HEMK2: variants seen among roughly 807,000 people sequenced by gnomAD.
HEMK2 encodes the protein HemK methyltransferase 2, ETF1 glutamine and histone H4 lysine.
chr21:28,576,854 G>A, the HEMK2 span, among the ~76,000 whole-genome samples: 1 of 152,110 alleles, frequency 6.6e-6, no homozygotes, highest in Non-Finnish European at 1.5e-5. Flanking sequence ...GGGATGGGAG[G>A]CGCCTGCCAC....
At chr21:28,731,949 A>G in the HEMK2 span, among the ~76,000 whole-genome samples, 3 of 152,204 alleles carry the variant, frequency 2.0e-5, no homozygotes, top group Admixed American at 2.0e-4. Flanking sequence ...AGGTGGTGAC[A>G]TGCAAGGCAA....
chr21:28,703,358 G>T, the HEMK2 span, among the ~76,000 whole-genome samples: 3 of 151,996 alleles, frequency 2.0e-5, no homozygotes, highest in Non-Finnish European at 4.4e-5. Context: ...TTCCCTGTAG[G>T]ATCGCTGGCT....
the HEMK2 span, among the ~76,000 whole-genome samples, chr21:28,679,481 G>T: frequency 6.6e-6 from 1 of 152,118 alleles, no homozygotes; most frequent in Admixed American, 6.5e-5. Context: ...GTCAACATTA[G>T]ACAGATCAAC....
the HEMK2 span, among the ~76,000 whole-genome samples, chr21:28,736,393 A>T: frequency 6.6e-6 from 1 of 152,216 alleles, no homozygotes; most frequent in Admixed American, 6.5e-5. Context: ...GGATACTTTC[A>T]CAGTTCTCTT....
the HEMK2 span, among the ~76,000 whole-genome samples, chr21:28,589,314 T>TA: frequency 5.3e-5 from 8 of 152,186 alleles, no homozygotes; most frequent in Non-Finnish European, 1.0e-4. Context: ...TGCAGTTTTT[T>TA]AAAAAAACCA....
chr21:28,720,807 C>T, the HEMK2 span, among the ~76,000 whole-genome samples: 3 of 152,016 alleles, frequency 2.0e-5, no homozygotes, highest in Non-Finnish European at 2.9e-5. Flanking sequence ...AAGTGTCATG[C>T]GAAATAGGAG....
the HEMK2 span, among the ~76,000 whole-genome samples, chr21:28,743,485 T>C: frequency 2.1e-4 from 32 of 152,238 alleles, no homozygotes; most frequent in Admixed American, 1.4e-3. Flanking sequence ...ATAAAGCACT[T>C]GCTTCTATTG....
At chr21:28,618,166 T>G in the HEMK2 span, among the ~76,000 whole-genome samples, 1 of 152,170 alleles carries the variant, frequency 6.6e-6, no homozygotes, top group Non-Finnish European at 1.5e-5. Context: ...AATTTAAAAT[T>G]AATAATATGA....
the HEMK2 span, among the ~76,000 whole-genome samples, chr21:28,575,723 A>G: frequency 6.6e-6 from 1 of 152,218 alleles, no homozygotes; most frequent in African/African-American, 2.4e-5. Flanking sequence ...CAATGAAGAC[A>G]CAGACATTTC....
chr21:28,860,458 T>A, the HEMK2 span, among the ~76,000 whole-genome samples: 93 of 148,404 alleles, frequency 6.3e-4, no homozygotes, highest in East Asian at 0.017. Context: ...ATATACAAAA[T>A]ATATATATAT....
chr21:28,791,897 G>A, the HEMK2 span, among the ~76,000 whole-genome samples: 1 of 151,966 alleles, frequency 6.6e-6, no homozygotes, highest in Admixed American at 6.6e-5. Flanking sequence ...GTTATCACAA[G>A]ATACAGGTCA....
the HEMK2 span, among the ~76,000 whole-genome samples, chr21:28,869,344 T>C: frequency 6.6e-6 from 1 of 150,978 alleles, no homozygotes; most frequent in Non-Finnish European, 1.5e-5. Flanking sequence ...ATCTGTTTTA[T>C]ATATACTGCT....
the HEMK2 span, among the ~76,000 whole-genome samples, chr21:28,780,252 ACTGCAAC>A: frequency 6.6e-6 from 1 of 151,946 alleles, no homozygotes; most frequent in African/African-American, 2.4e-5. Context: ...ATCTCAGCTC[ACTGCAAC>A]CTCTGCCTCC....
At chr21:28,862,009 C>A in the HEMK2 span, among the ~76,000 whole-genome samples, 1 of 152,182 alleles carries the variant, frequency 6.6e-6, no homozygotes, top group Admixed American at 6.5e-5. Flanking sequence ...CACCTGGACA[C>A]TTTGGGCTCC....
At chr21:28,827,845 A>T in the HEMK2 span, among the ~76,000 whole-genome samples, 4 of 152,184 alleles carry the variant, frequency 2.6e-5, no homozygotes, top group Non-Finnish European at 5.9e-5. Flanking sequence ...ATTTGCAACC[A>T]TTTTATTTGA....
chr21:28,808,570 C>A, the HEMK2 span, among the ~76,000 whole-genome samples: 11 of 151,954 alleles, frequency 7.2e-5, no homozygotes, highest in African/African-American at 2.7e-4. Flanking sequence ...CTTGGCATTG[C>A]TTTGTGGTTT....
At chr21:28,718,238 ATCT>A in the HEMK2 span, among the ~76,000 whole-genome samples, 1 of 152,120 alleles carries the variant, frequency 6.6e-6, no homozygotes. Context: ...GTTTTGAGAG[ATCT>A]TCTTGGCATT....
the HEMK2 span, among the ~76,000 whole-genome samples, chr21:28,809,118 G>C: frequency 3.9e-5 from 6 of 152,256 alleles, no homozygotes; most frequent in East Asian, 9.6e-4. Flanking sequence ...TTCAAATAAT[G>C]AGAGGGATTG....
the HEMK2 span, among the ~76,000 whole-genome samples, chr21:28,827,218 G>A: frequency 6.6e-6 from 1 of 152,146 alleles, no homozygotes; most frequent in East Asian, 1.9e-4. Flanking sequence ...AGTAATTGCA[G>A]TACCTCTAAG....
Sources: gnomAD v4.1 joint callset for allele counts (sites outside exome capture counted in the v4.1 genomes callset) on GRCh38, gnomAD v4.1.1 for gene constraint, MANE v1.5 for transcripts, NCBI Gene and HGNC (gene_info 2026-07-23, HGNC 2026-07-21) for gene names.